Variants in FAT2 observed in about 807,000 individuals in gnomAD.
FAT2 encodes protocadherin Fat 2.
FAT2 carries 150 observed loss-of-function variants against 295.3 expected under a neutral mutation model. The ratio of observed to expected loss-of-function variants is 0.51; its 90% CI spans 0.44 to 0.58. FAT2 has a LOEUF of 0.58. Ranked by LOEUF, FAT2 falls within the 20% of genes least tolerant of loss-of-function variation. FAT2 has a pLI of 0.00. For synonymous variants in FAT2, 2,026 were observed against 2,150.3 expected, an observed-to-expected ratio of 0.94 and a Z score of 1.60; for missense variants, 4,868 against 5,442.7, an observed-to-expected ratio of 0.89 and a Z score of 3.32.
chr5:151,534,802 C>T (rs1755051214), intron 12 of FAT2, among the ~76,000 whole-genome samples, 160 bp from the exon 13 acceptor site: 1 of 151,712 alleles, frequency 6.6e-6, no homozygotes, highest in African/African-American at 2.4e-5. Flanking sequence ...CTGTATCCCC[C>T]CATACCCATT....
chr5:151,584,545 C>A (rs1421309302), intron 1 of FAT2, among the ~76,000 whole-genome samples: 1 of 152,122 alleles, frequency 6.6e-6, no homozygotes, highest in East Asian at 1.9e-4. Flanking sequence ...ACTTCAGATG[C>A]CAGATTTAGT....
chr5:151,537,320 AG>A (rs1755486505), intron 12 of FAT2, among the ~76,000 whole-genome samples: 2 of 13,330 alleles, frequency 1.5e-4, no homozygotes, highest in East Asian at 0.014. Flanking sequence ...AAAAAGAAAG[AG>A]AAAAAAAGAA....
chr5:151,563,237 C>T (rs1033207345), intron 3 of FAT2, 88 bp downstream of exon 3: 3 of 1,264,962 alleles, frequency 2.4e-6, no homozygotes, highest in South Asian at 2.6e-5. Flanking sequence ...TCCAAGTTCA[C>T]AGTAATGCTG....
At position 151,543,753 on chromosome 5, in the gene FAT2, A is replaced by G. The variant is rs781551079; in HGVS notation, c.7374T>C (p.Asp2458=). 1 of 1,614,230 alleles carries G rather than the reference A, an allele frequency of 6.2e-7. No individual in the cohort carries two copies. Among genetic ancestry groups the G allele is most frequent in the South Asian group, 1.1e-5 (1 of 91,092 alleles). The change falls in exon 10 of 24, where the codon GAT becomes GAC. Residue 2458 remains aspartate, a synonymous_variant. Coordinates refer to ENST00000261800, the MANE Select transcript of FAT2 (RefSeq NM_001447.3). ...SSYNLRVGAS[D]GVFRATVPVY... Reference sequence around the variant, plus strand: ...CAGGCACAGTTGCTCGGAAGACTCCATCAGAAGCACCTACCCTCAAATTGT... The same window carrying G: ...CAGGCACAGTTGCTCGGAAGACTCCGTCAGAAGCACCTACCCTCAAATTGT...
Position 151,567,469 on chromosome 5 carries a change from C to T in FAT2, c.1463G>A (p.Gly488Glu), listed in dbSNP as rs925477980. 6.2e-7 allele frequency: 1 copy of T among 1,614,038 alleles called. No homozygotes were observed. ...GGAATAGGTGACATATCCATTTTCC[C>T]CATGATCCCGGTCAGTGGCAGTCAC... ...LAVTATDRDH[G>E]ENGYVTYSIA... Residue 488 changes from glycine (G) to glutamate (E), a missense_variant, in exon 2 of 24, where the codon GGG becomes GAG. Physicochemically the swap from Gly to Glu is moderately conservative, Grantham distance 98. Around this residue, in one of 5 missense-constraint regions of FAT2, gnomAD observed 3,297 missense variants for 3,669.4 expected, o/e 0.90. Transcript: ENST00000261800.
At chr5:151,546,527 G>A (rs1016366529) in intron 9 of FAT2, among the ~76,000 whole-genome samples, 190 bp from the exon 10 acceptor site, 39 of 152,088 alleles carry the variant, frequency 2.6e-4, no homozygotes, top group African/African-American at 8.5e-4. Context: ...TGCATAGTAG[G>A]TGCTTCATAT....
chr5:151,583,147 AAG>A (rs1248772427), intron 1 of FAT2, among the ~76,000 whole-genome samples: 6 of 152,148 alleles, frequency 3.9e-5, no homozygotes, highest in Non-Finnish European at 7.3e-5. Context: ...ACCTGAAAAT[AAG>A]AGAGTTCCAT....
At chr5:151,532,523 T>G (rs1250761782) in intron 13 of FAT2, among the ~76,000 whole-genome samples, 2 of 152,220 alleles carry the variant, frequency 1.3e-5, no homozygotes, top group Non-Finnish European at 2.9e-5. Flanking sequence ...ATTATCCTAC[T>G]GCTATGTAAG....
chr5:151,512,523 G>A lies in FAT2; in HGVS notation c.11547C>T (p.Asp3849=). The A allele has an allele frequency of 6.2e-7, 1 of 1,614,210 alleles. No homozygotes were observed. Among genetic ancestry groups the A allele is most frequent in the Non-Finnish European group, 8.5e-7 (1 of 1,180,038 alleles). ...CCACCAGGATGGAGTGCCACTCGTGGTCATTCACATGGCGCTGGGAGGAAA... is the reference window on the plus strand; with the variant it reads ...CCACCAGGATGGAGTGCCACTCGTGATCATTCACATGGCGCTGGGAGGAAA... ...GNLSSQRHVN[D]HEWHSILVEE... The change falls in exon 21 of 24, where the codon GAC becomes GAT. Residue 3849 remains aspartate, a synonymous_variant. Coordinates refer to ENST00000261800, the MANE Select transcript of FAT2 (RefSeq NM_001447.3). The surrounding 1 kb of genome is among the most constrained non-coding windows in gnomAD (Gnocchi z 4.1).
chr5:151,516,920 A>G lies in FAT2; in HGVS notation c.11463+700T>C, dbSNP rs1436188286. ...CAGGAGTTCGAGACCAGCCTGGCCAACATGGCAAAACCCCATCTCTACTTA... is the reference window on the plus strand; with the variant it reads ...CAGGAGTTCGAGACCAGCCTGGCCAGCATGGCAAAACCCCATCTCTACTTA... On this transcript the variant is annotated intron_variant, in intron 20 of 23. Coordinates refer to ENST00000261800, the MANE Select transcript of FAT2 (RefSeq NM_001447.3). Among the ~76,000 whole-genome samples, 4 of 152,176 alleles carry G rather than the reference A, an allele frequency of 2.6e-5. No homozygotes were observed. In the East Asian group the frequency reaches 7.7e-4, roughly 29 times the overall value.
At chr5:151,563,297 C>G (rs1162732480) in intron 3 of FAT2, 28 bp downstream of exon 3, 2 of 1,606,504 alleles carry the variant, frequency 1.2e-6, no homozygotes, top group African/African-American at 2.7e-5. Flanking sequence ...GTAGAGATCC[C>G]TGTTCACCCA....
rs867049412 is a variant in FAT2, at chr5:151,512,557, T to C, written c.11513A>G (p.Tyr3838Cys). ...ATGGCGCTGGGAGGAAAGGTTTCCA[T>C]AGAAACCACCCAGACAGTGGTATTC... ...QLEYHCLGGF[Y>C]GNLSSQRHVN... Residue 3838 changes from tyrosine to cysteine, a missense_variant, in exon 21 of 24, where the codon TAT becomes TGT. Tyr to Cys is a radical substitution (Grantham distance 194). This residue lies in a region of FAT2 where 1,046 missense variants were observed against 1,210.1 expected (regional missense o/e 0.86). Coordinates refer to ENST00000261800, the MANE Select transcript of FAT2 (RefSeq NM_001447.3). This position sits in a 1 kb window ranked among gnomAD's most constrained non-coding sequence, Gnocchi z 4.1. 6.2e-7 allele frequency: 1 copy of C among 1,613,858 alleles called. No homozygotes were observed. The highest frequency in any genetic ancestry group is 1.3e-5 in the African/African-American group (1 of 74,890).
Position 151,512,507 on chromosome 5 carries a change from TGG to T in FAT2, c.11561_11562del (p.Ser3854TyrfsTer15). 26 of 1,614,128 alleles carry T rather than the reference TGG, an allele frequency of 1.6e-5. No individual in the cohort carries two copies. The highest frequency in any genetic ancestry group is 2.1e-5 in the Non-Finnish European group (25 of 1,180,008). On this transcript the variant is annotated frameshift_variant, in exon 21 of 24. Transcript: ENST00000261800. LOFTEE classifies it high-confidence loss of function. The surrounding 1 kb of genome is among the most constrained non-coding windows in gnomAD (Gnocchi z 4.1). ...GAAGCGTCCATCTCCTCCACCAGGA[TGG>T]AGTGCCACTCGTGGTCATTCACATG... Reference protein sequence around the residue: ...QRHVNDHEWHSILVEEMDASI... With the variant: ...QRHVNDHEWHXILVEEMDASI...
chr5:151,529,488 A>C, intron 14 of FAT2, 96 bp from the exon 15 acceptor site: 6 of 1,016,434 alleles, frequency 5.9e-6, no homozygotes, highest in Non-Finnish European at 9.1e-6. Flanking sequence ...AGGCAGCTCA[A>C]CAGGGCTAGG....
In FAT2 at chr5:151,507,246, C is replaced by T. The variant is rs2127564242; in HGVS notation, c.12425G>A (p.Cys4142Tyr). The change falls in exon 23 of 24, where the codon TGC becomes TAC. Residue 4142 changes from cysteine (C) to tyrosine (Y), a missense_variant. Transcript: ENST00000261800. ...GPNSKQRPVVCSVPPRLPPAA... is the reference protein window; with the variant it reads ...GPNSKQRPVVYSVPPRLPPAA... Reference sequence around the variant, plus strand: ...TGGCGGGAGTCTGGGGGGCACACTGCAGACCACTGGCCGTTGCTTAGAATT... The same window carrying T: ...TGGCGGGAGTCTGGGGGGCACACTGTAGACCACTGGCCGTTGCTTAGAATT... 6.2e-7 allele frequency: 1 copy of T among 1,614,124 alleles called. No homozygotes were observed.
Position 151,531,852 on chromosome 5 carries a change from T to G in FAT2, c.9546A>C (p.Pro3182=). The G allele has an allele frequency of 6.2e-7, 1 of 1,613,662 alleles. No individual in the cohort carries two copies. Among genetic ancestry groups the G allele is most frequent in the Non-Finnish European group, 8.5e-7 (1 of 1,179,976 alleles). Residue 3182 remains proline (P), a synonymous_variant, in exon 14 of 24, where the codon CCA becomes CCC. Coordinates refer to ENST00000261800, the MANE Select transcript of FAT2 (RefSeq NM_001447.3). This position sits in a 1 kb window ranked among gnomAD's most constrained non-coding sequence, Gnocchi z 5.7. ...CAGAGGCACGGACCGTGAGCTCCAGTGGTGCCTGGGGCCTGACCTGCAGCG... is the reference window on the plus strand; with the variant it reads ...CAGAGGCACGGACCGTGAGCTCCAGGGGTGCCTGGGGCCTGACCTGCAGCG... ...EKPLQVRPQA[P]LELTVRASDL... is the part of the protein sequence containing the mutation.
At chr5:151,561,834 A>G (rs1758029655) in intron 3 of FAT2, among the ~76,000 whole-genome samples, 1 of 152,262 alleles carries the variant, frequency 6.6e-6, no homozygotes, top group African/African-American at 2.4e-5. Flanking sequence ...ATGCTTATAA[A>G]GATTTCTTCC....
In FAT2 at chr5:151,549,293, AC is replaced by A; in HGVS notation, c.4789+1del. ...CTCTGAGCTCATGGCCAGGCCTCTCACCTTTCAGGAGGGAGTAGTGGACCTC... is the reference window on the plus strand; with the variant it reads ...CTCTGAGCTCATGGCCAGGCCTCTCACTTTCAGGAGGGAGTAGTGGACCTC... On this transcript the variant is annotated splice_donor_variant, in intron 9 of 23. Coordinates refer to ENST00000261800, the MANE Select transcript of FAT2 (RefSeq NM_001447.3). LOFTEE classifies it high-confidence loss of function. The A allele has an allele frequency of 4.3e-6, 7 of 1,612,322 alleles. No homozygotes were observed. Among genetic ancestry groups the A allele is most frequent in the Non-Finnish European group, 5.9e-6 (7 of 1,179,796 alleles).
At chr5:151,588,271 C>A (rs1759255837) in intron 1 of FAT2, among the ~76,000 whole-genome samples, 1 of 152,148 alleles carries the variant, frequency 6.6e-6, no homozygotes, top group Non-Finnish European at 1.5e-5. Context: ...GATGTGGGAG[C>A]CAACTGGCCT....
Sources: gnomAD v4.1 joint callset for allele counts (sites outside exome capture counted in the v4.1 genomes callset) on GRCh38, gnomAD v4.1.1 for gene constraint, gnomAD v4.1.1 regional missense constraint, Gnocchi (gnomAD v3.1) non-coding constraint, MANE v1.5 for transcripts, NCBI Gene and HGNC (gene_info 2026-07-23, HGNC 2026-07-21) for gene names.